The following RNF216 variants were observed in gnomAD, a reference collection of about 807,000 sequenced individuals.
The protein encoded by RNF216 is E3 ubiquitin-protein ligase RNF216.
In RNF216, 72 loss-of-function variants were observed where a neutral mutation model predicts 110.8. That is an observed-to-expected ratio of 0.65 (90% CI 0.54 to 0.79). The LOEUF is 0.79. Ranked by LOEUF, RNF216 falls within the 30% of genes least tolerant of loss-of-function variation. The pLI is 0.00. For missense variants in RNF216, 1,342 were observed against 1,141.2 expected (o/e 1.18, Z -2.54); for synonymous variants, 495 against 407.5 (o/e 1.21, Z -2.59).
At chr7:5,649,769 G>C (rs1788274801) in intron 14 of RNF216, 2 of 152,226 alleles carry the variant, frequency 1.3e-5, no homozygotes, top group Non-Finnish European at 1.5e-5. Flanking sequence ...TTGGAGGACA[G>C]TGTATTACTT....
intron 13 of RNF216, among the ~76,000 whole-genome samples, chr7:5,671,168 C>CA (rs1317913750): frequency 6.6e-6 from 1 of 152,196 alleles, no homozygotes; most frequent in African/African-American, 2.4e-5. Flanking sequence ...TTAGGCTCAG[C>CA]AACTGCTCCA....
intron 5 of RNF216, among the ~76,000 whole-genome samples, chr7:5,738,087 C>CAAAAAAAAAAAAAAAAAAAAAAAAA (rs200643372): frequency 9.0e-6 from 1 of 111,004 alleles, no homozygotes; most frequent in Non-Finnish European, 1.8e-5. Flanking sequence ...AGACTGTCTC[C>CAAAAAAAAAAAAAAAAAAAAAAAAA]AAAAAAAAAA....
intron 15 of RNF216, among the ~76,000 whole-genome samples, chr7:5,630,906 C>T (rs1787028905): frequency 6.6e-6 from 1 of 152,148 alleles, no homozygotes; most frequent in Admixed American, 6.5e-5. Flanking sequence ...GTCTCAAAGC[C>T]TGAGCTGTTA....
chr7:5,698,188 G>C (rs962400844), intron 13 of RNF216, among the ~76,000 whole-genome samples: 18 of 152,172 alleles, frequency 1.2e-4, no homozygotes, highest in Admixed American at 3.9e-4. Flanking sequence ...AGAAATCAGT[G>C]TTTGGGCTAG....
chr7:5,761,255 C>T lies in RNF216; in HGVS notation c.-69-117G>A, dbSNP rs553401172. On this transcript the variant is annotated intron_variant, in intron 1 of 16. Coordinates refer to ENST00000389902, the MANE Select transcript of RNF216 (RefSeq NM_207111.4). The stretch of plus-strand genomic sequence containing the variant: ...GAAAACATTCCTTAAGAAAACATAT[C>T]CAAGGAGGTGGGTCAAAAAAAAAAA... 160 of 445,392 alleles carry T rather than the reference C, an allele frequency of 3.6e-4. 1 individual carries two copies. The highest frequency in any genetic ancestry group is 7.6e-4 in the Admixed American group (17 of 22,458). 27.6% of individuals were successfully genotyped at this position (445,392 alleles called of 1,614,324 possible).
intron 4 of RNF216, among the ~76,000 whole-genome samples, chr7:5,740,621 T>C (rs1794700475): frequency 6.6e-6 from 1 of 152,120 alleles, no homozygotes; most frequent in Non-Finnish European, 1.5e-5. Context: ...GTAAGTGCCA[T>C]ATTGGACAGC....
chr7:5,664,289 C>G (rs979333224), intron 13 of RNF216, among the ~76,000 whole-genome samples: 1 of 151,964 alleles, frequency 6.6e-6, no homozygotes, highest in Non-Finnish European at 1.5e-5. Flanking sequence ...TATATACGAC[C>G]CTTTCAGGTT....
At chr7:5,776,694 T>C (rs909880719) in intron 1 of RNF216, among the ~76,000 whole-genome samples, 1 of 149,094 alleles carries the variant, frequency 6.7e-6, no homozygotes, top group Non-Finnish European at 1.5e-5. Flanking sequence ...ACGTGTCAGA[T>C]CTGGGTTTAT....
chr7:5,689,766 C>A (rs7806110), intron 13 of RNF216, among the ~76,000 whole-genome samples: 5,686 of 152,016 alleles, frequency 0.037, 158 homozygotes, highest in South Asian at 0.069. Context: ...CAAGCCTGGC[C>A]TGCGTGGCAA....
intron 13 of RNF216, among the ~76,000 whole-genome samples, chr7:5,671,753 C>T (rs1241833564): frequency 7.2e-6 from 1 of 138,588 alleles, no homozygotes; most frequent in African/African-American, 2.9e-5. Flanking sequence ...TGCAGTGAGC[C>T]GAGATTGTGC....
chr7:5,763,431 T>C (rs1381066818), intron 1 of RNF216, among the ~76,000 whole-genome samples: 1 of 152,016 alleles, frequency 6.6e-6, no homozygotes, highest in Non-Finnish European at 1.5e-5. Context: ...AGGAGTTTGA[T>C]ACTAGCCGGG....
At chr7:5,643,926 T>C (rs567737978) in intron 14 of RNF216, among the ~76,000 whole-genome samples, 1 of 152,336 alleles carries the variant, frequency 6.6e-6, no homozygotes, top group South Asian at 2.1e-4. Context: ...GCCTCTGATA[T>C]TTCATAGGAA....
At chr7:5,626,714 C>T (rs1281908970) in intron 15 of RNF216, among the ~76,000 whole-genome samples, 5 of 151,768 alleles carry the variant, frequency 3.3e-5, no homozygotes, top group African/African-American at 1.2e-4. Context: ...GAAAGTTGTG[C>T]AGCAGGAGGG....
chr7:5,703,245 G>A (rs949308271), intron 13 of RNF216, among the ~76,000 whole-genome samples: 3 of 152,208 alleles, frequency 2.0e-5, no homozygotes, highest in Non-Finnish European at 2.9e-5. Context: ...GCTACTTCCT[G>A]AATAAAGGTC....
chr7:5,676,416 G>A (rs1790301222), intron 13 of RNF216, among the ~76,000 whole-genome samples: 1 of 152,212 alleles, frequency 6.6e-6, no homozygotes, highest in South Asian at 2.1e-4. Context: ...GACGGCAGTT[G>A]CAAAAAGTAT....
intron 15 of RNF216, among the ~76,000 whole-genome samples, chr7:5,636,686 G>A (rs190847653): frequency 9.4e-4 from 143 of 152,314 alleles, no homozygotes; most frequent in African/African-American, 3.3e-3. Flanking sequence ...GGGGCTGATC[G>A]CTGTTTTGAT....
intron 13 of RNF216, among the ~76,000 whole-genome samples, chr7:5,691,331 A>G (rs1049581454): frequency 1.3e-5 from 2 of 152,226 alleles, no homozygotes; most frequent in Admixed American, 6.5e-5. Context: ...CTTCTCAGTT[A>G]TAAGCAGTAA....
At chr7:5,682,599 G>C (rs1355071549) in intron 13 of RNF216, among the ~76,000 whole-genome samples, 1 of 151,956 alleles carries the variant, frequency 6.6e-6, no homozygotes, top group African/African-American at 2.4e-5. Context: ...TAGAGACAGG[G>C]TTTCAACATT....
intron 13 of RNF216, among the ~76,000 whole-genome samples, chr7:5,668,756 C>A (rs116026198): frequency 6.6e-6 from 1 of 152,308 alleles, no homozygotes; most frequent in Admixed American, 6.5e-5. Flanking sequence ...AGGAAGTAGC[C>A]GGGGTCTGCT....
Sources: gnomAD v4.1 joint callset for allele counts (sites outside exome capture counted in the v4.1 genomes callset) on GRCh38, gnomAD v4.1.1 for gene constraint, MANE v1.5 for transcripts, NCBI Gene and HGNC (gene_info 2026-07-23, HGNC 2026-07-21) for gene names.